The following CDAN1 variants were observed in gnomAD, a reference collection of about 807,000 sequenced individuals.
CDAN1 encodes codanin-1.
In CDAN1, 107 loss-of-function variants were observed where a neutral mutation model predicts 139.8. That is an observed-to-expected ratio of 0.77 (90% CI 0.65 to 0.90). The LOEUF is 0.90. Ranked by LOEUF, CDAN1 falls within the 40% of genes least tolerant of loss-of-function variation. CDAN1 has a pLI of 0.00. For missense variants in CDAN1, 1,667 were observed against 1,575.7 expected (o/e 1.06, Z -0.98); for synonymous variants, 776 against 660.6 (o/e 1.17, Z -2.68).
In CDAN1 at chr15:42,728,395, C is replaced by T. The variant is rs2061561201; in HGVS notation, c.2805-128G>A. ...TTGGAAGGAGGCACCGTTTGCCCTC[C>T]CGCCCCACCCCAGGTGCCAGAGAAA... On this transcript the variant is annotated intron_variant, in intron 20 of 27. Transcript: ENST00000356231. The T allele has an allele frequency of 3.9e-6, 4 of 1,014,198 alleles. No homozygotes were observed. In the Admixed American group the frequency reaches 7.7e-5, roughly 19 times the overall value. The allele number at this position is 1,014,198 out of a possible 1,614,324, so 62.8% of individuals were successfully genotyped here.
At position 42,725,599 on chromosome 15, in the gene CDAN1, G is replaced by GAAGCCTTCGAGC. The variant is rs749955562; in HGVS notation, c.3328_3339dup (p.Ala1110_Leu1113dup). ...TTCCACAAGGAAAGCAGCATGTGCA[G>GAAGCCTTCGAGC]AAGCCTTCGAGCCTGCCCTCTCTCC... On this transcript the variant is annotated inframe_insertion, in exon 26 of 28. Transcript: ENST00000356231. 3 of 1,614,078 alleles carry GAAGCCTTCGAGC rather than the reference G, an allele frequency of 1.9e-6. No homozygotes were observed. The Admixed American group carries it at 5.0e-5, about 27-fold the overall frequency.
At chr15:42,728,988 G>A (rs142713606) in intron 19 of CDAN1, 35 bp downstream of exon 19, 1 of 1,603,302 alleles carries the variant, frequency 6.2e-7, no homozygotes, top group African/African-American at 1.3e-5. Context: ...AAAAATGGTA[G>A]GGCGATGAGA....
chr15:42,736,894 G>GT (rs921566455), intron 1 of CDAN1, 114 bp from the exon 2 acceptor site: 653 of 1,462,912 alleles, frequency 4.5e-4, no homozygotes, highest in Non-Finnish European at 5.6e-4. Flanking sequence ...GCGGCGCCCA[G>GT]TTGGAGTGCA....
chr15:42,725,059 T>G, intron 27 of CDAN1, 85 bp downstream of exon 27: 1 of 1,109,396 alleles, frequency 9.0e-7, no homozygotes. Context: ...CCACTTAGTT[T>G]GGCCCCATCA....
Position 42,723,996 on chromosome 15 carries a change from C to A in CDAN1, c.*495G>T, listed in dbSNP as rs1244072856. The A allele has an allele frequency of 2.5e-5, 5 of 196,580 alleles. No individual in the cohort carries two copies. The highest frequency in any genetic ancestry group is 1.1e-4 in the Admixed American group (2 of 18,748). 12.2% of individuals were successfully genotyped at this position (196,580 alleles called of 1,614,324 possible). A position where few individuals can be genotyped will look rare whatever the true frequency, so the allele number is the denominator to read the frequency against. ...AAGTGCTGGGATTACAGGCATGAGC[C>A]ACCAGACCCGGCCTGTGTTAGGCAT... On this transcript the variant is annotated 3_prime_UTR_variant, in exon 28 of 28. Transcript: ENST00000356231.
At chr15:42,728,905 T>C in intron 19 of CDAN1, 95 bp from the exon 20 acceptor site, 1 of 1,596,396 alleles carries the variant, frequency 6.3e-7, no homozygotes, top group South Asian at 1.1e-5. Flanking sequence ...TGCTTCAAAA[T>C]GTGTCAGCCA....
chr15:42,736,322 C>T lies in CDAN1; in HGVS notation c.549G>A (p.Ser183=), dbSNP rs2061686837. 1 of 1,613,700 alleles carries T rather than the reference C, an allele frequency of 6.2e-7. No homozygotes were observed. Among genetic ancestry groups the T allele is most frequent in the Admixed American group, 1.7e-5 (1 of 60,002 alleles). The change falls in exon 2 of 28, where the codon TCG becomes TCA. Residue 183 remains serine (S), a synonymous_variant. Coordinates refer to ENST00000356231, the MANE Select transcript of CDAN1 (RefSeq NM_138477.4). ...SNLEEFPPVG[S]VPPGPTGTKP... Reference sequence around the variant, plus strand: ...CTCACCCTGTAGGGCCGGGGGGAACCGAGCCTACGGGAGGGAACTCCTCCA... The same window carrying T: ...CTCACCCTGTAGGGCCGGGGGGAACTGAGCCTACGGGAGGGAACTCCTCCA...
In CDAN1 at chr15:42,736,630, C is replaced by T. The variant is rs1372416669; in HGVS notation, c.241G>A (p.Ala81Thr). ...GGGCCTCCCGGCCTCCCTGGCAAGG[C>T]TGCCGAGGCGCCCGGGGTCTTGGCG... ...TPAKTPGASA[A>T]LPGRPGGPPR... Residue 81 changes from alanine (A) to threonine (T), a missense_variant, in exon 2 of 28, where the codon GCC becomes ACC. Physicochemically the swap from Ala to Thr is moderately conservative, Grantham distance 58. Coordinates refer to ENST00000356231, the MANE Select transcript of CDAN1 (RefSeq NM_138477.4). 4 of 1,514,104 alleles carry T rather than the reference C, an allele frequency of 2.6e-6. No homozygotes were observed. In the East Asian group the frequency reaches 8.1e-5, roughly 31 times the overall value. The allele number at this position is 1,514,104 out of a possible 1,614,324, so 93.8% of individuals were successfully genotyped here.
chr15:42,735,407 G>T, intron 4 of CDAN1, 33 bp from the exon 5 acceptor site: 1 of 1,590,810 alleles, frequency 6.3e-7, no homozygotes, highest in South Asian at 1.1e-5. Flanking sequence ...CCCATGGTAT[G>T]GGCACCATTT....
chr15:42,727,590 G>A (rs2061546435), intron 23 of CDAN1, 31 bp downstream of exon 23: 1 of 1,508,168 alleles, frequency 6.6e-7, no homozygotes, highest in Non-Finnish European at 8.9e-7. Flanking sequence ...GTGGGAGCAG[G>A]GAAGCCAAAG....
Position 42,724,563 on chromosome 15 carries a change from G to C in CDAN1, c.3612C>G (p.His1204Gln). The change falls in exon 28 of 28, where the codon CAC (histidine) becomes CAG (glutamine). Residue 1204 changes from histidine (H) to glutamine (Q), a missense_variant. This residue lies in a region of CDAN1 where 936 missense variants were observed against 844.1 expected (regional missense o/e 1.11). Coordinates refer to ENST00000356231, the MANE Select transcript of CDAN1 (RefSeq NM_138477.4). ...TLSNLFLAEPHLPEPQLRACE... is the reference protein window; with the variant it reads ...TLSNLFLAEPQLPEPQLRACE... ...AGGCTCTTAGCTGGGGTTCTGGCAGGTGGGGCTCGGCTAGAAACAGATTAG... is the reference window on the plus strand; with the variant it reads ...AGGCTCTTAGCTGGGGTTCTGGCAGCTGGGGCTCGGCTAGAAACAGATTAG... 1 of 1,555,148 alleles carries C rather than the reference G, an allele frequency of 6.4e-7. No individual in the cohort carries two copies.
intron 27 of CDAN1, chr15:42,724,820 C>A: frequency 1.5e-6 from 1 of 657,348 alleles, no homozygotes; most frequent in Non-Finnish European, 2.7e-6. Context: ...GATGGAGGCA[C>A]AGGCTTGACC....
chr15:42,733,048 C>G (rs2061636706), intron 9 of CDAN1, 49 bp downstream of exon 9: 10 of 1,506,366 alleles, frequency 6.6e-6, no homozygotes, highest in African/African-American at 1.4e-5. Flanking sequence ...CGAGCAAGCA[C>G]TGAGCTACTC....
At chr15:42,731,973 G>A (rs1039056933) in intron 10 of CDAN1, 148 bp from the exon 11 acceptor site, 4 of 793,242 alleles carry the variant, frequency 5.0e-6, no homozygotes, top group Non-Finnish European at 8.5e-6. Flanking sequence ...GTGAATTACA[G>A]TATTGTTTCA....
At chr15:42,736,233 C>T (rs538462509) in intron 2 of CDAN1, 69 bp downstream of exon 2, 111 of 1,599,594 alleles carry the variant, frequency 6.9e-5, no homozygotes, top group Non-Finnish European at 8.9e-5. Flanking sequence ...CTGCGGAGCG[C>T]CGAGCTCGAA....
At position 42,735,961 on chromosome 15, in the gene CDAN1, T is replaced by G; in HGVS notation, c.687A>C (p.Ser229=). The G allele has an allele frequency of 1.2e-6, 2 of 1,614,158 alleles. No individual in the cohort carries two copies. The highest frequency in any genetic ancestry group is 4.5e-5 in the East Asian group (2 of 44,862). ...PISCVPSSQP[S]ALDTSPWGLG... ...GGCCCCAAGGGCTAGTGTCCAGGGC[T>G]GAGGGTTGGGAACTGGGGACACAGC... The change falls in exon 3 of 28, where the codon TCA becomes TCC. Residue 229 remains serine (S), a synonymous_variant. Coordinates refer to ENST00000356231, the MANE Select transcript of CDAN1 (RefSeq NM_138477.4).
rs770177788 is a variant in CDAN1, at chr15:42,729,816, C to T, written c.2332G>A (p.Val778Ile). The change falls in exon 16 of 28, where the codon GTA becomes ATA. Residue 778 changes from valine to isoleucine, a missense_variant. By Grantham distance (29) the Val-to-Ile change is conservative. This residue lies in a region of CDAN1 where 936 missense variants were observed against 844.1 expected (regional missense o/e 1.11). Transcript: ENST00000356231. ...GPSYAFEVDT[V>I]APEHGLDNAP... ...CTCACCAAGCCATGCTCTGGGGCTA[C>T]TGTGTCCACCTCAAAGGCATATGAG... is the stretch of plus-strand genomic sequence containing the variant. 3.8e-5 allele frequency: 62 copies of T among 1,613,722 alleles called. No individual in the cohort carries two copies. Among genetic ancestry groups the T allele is most frequent in the Non-Finnish European group, 4.7e-5 (56 of 1,179,886 alleles).
chr15:42,730,472 G>T, intron 14 of CDAN1, 126 bp downstream of exon 14: 1 of 1,162,534 alleles, frequency 8.6e-7, no homozygotes, highest in Non-Finnish European at 1.3e-6. Context: ...CCTCTCCCAG[G>T]GCTCAGTTAT....
rs768801159 is a variant in CDAN1 at position 42,729,018 on chromosome 15, C to G, written c.2645+5G>C. On this transcript the variant is annotated splice_donor_5th_base_variant and intron_variant, in intron 19 of 27. Coordinates refer to ENST00000356231, the MANE Select transcript of CDAN1 (RefSeq NM_138477.4). Reference sequence around the variant, plus strand: ...ATGAGACCAGGATCCTTAACCCACTCTTACTTGATATGTTTGACACAGTTT... The same window carrying G: ...ATGAGACCAGGATCCTTAACCCACTGTTACTTGATATGTTTGACACAGTTT... 3 of 1,613,890 alleles carry G rather than the reference C, an allele frequency of 1.9e-6. No individual in the cohort carries two copies. The South Asian group carries it at 3.3e-5, about 18-fold the overall frequency.
Sources: gnomAD v4.1 joint callset for allele counts on GRCh38, gnomAD v4.1.1 for gene constraint, gnomAD v4.1.1 regional missense constraint, MANE v1.5 for transcripts, NCBI Gene and HGNC (gene_info 2026-07-23, HGNC 2026-07-21) for gene names.